The following C4orf33 variants were observed in gnomAD, a reference collection of about 807,000 sequenced individuals.
C4orf33 encodes the protein UPF0462 protein C4orf33.
Under a neutral mutation model 24.3 loss-of-function variants are expected in C4orf33, and 20 were observed. The observed-to-expected ratio is 0.82, with a 90% CI of 0.58 to 1.19. The LOEUF is 1.19. C4orf33 is among the 50% of genes most tolerant of loss of function. The probability of loss-of-function intolerance (pLI) is 0.00; values close to 1 mark genes in which losing one functional copy is unlikely to be tolerated. For synonymous variants in C4orf33, 67 were observed against 76.4 expected, an observed-to-expected ratio of 0.88 and a Z score of 0.64; for missense variants, 207 against 225.9, an observed-to-expected ratio of 0.92 and a Z score of 0.54.
chr4:129,110,067 T>G (rs927648759), intron 5 of C4orf33: 2 of 938,184 alleles, frequency 2.1e-6, no homozygotes, highest in Non-Finnish European at 2.6e-6. Context: ...TAATCTTCAG[T>G]TATCTCTCTA....
chr4:129,111,402 A>T (rs141748328), intron 5 of C4orf33, among the ~76,000 whole-genome samples: 18 of 152,342 alleles, frequency 1.2e-4, no homozygotes, highest in Admixed American at 3.9e-4. Flanking sequence ...TTAAAGCTGG[A>T]TGGAATGAGT....
At chr4:129,109,743 G>T in intron 5 of C4orf33, 71 bp downstream of exon 5, 1 of 1,259,976 alleles carries the variant, frequency 7.9e-7, no homozygotes, top group Non-Finnish European at 1.1e-6. Flanking sequence ...TAGTGGAGCA[G>T]AAGTAACACT....
In C4orf33 at chr4:129,115,801, A is replaced by AATATATATATAT. The variant is rs55749910; in HGVS notation, c.*4028_*4039dup. ...ATGTGCCTAACAAATCTTCTAACTA[A>AATATATATATAT]ATATATATATATATATATATATATA... On this transcript the variant is annotated 3_prime_UTR_variant, in exon 6 of 6. Coordinates refer to ENST00000425929, the MANE Select transcript of C4orf33 (RefSeq NM_001099783.2). The AATATATATATAT allele has an allele frequency of 1.4e-4, 13 of 90,246 alleles. No individual in the cohort carries two copies. Among genetic ancestry groups the AATATATATATAT allele is most frequent in the African/African-American group, 5.1e-4 (12 of 23,336 alleles). 5.6% of individuals were successfully genotyped at this position (90,246 alleles called of 1,614,324 possible). A position where few individuals can be genotyped will look rare whatever the true frequency, so the allele number is the denominator to read the frequency against.
intron 1 of C4orf33, among the ~76,000 whole-genome samples, chr4:129,097,056 G>A (rs546131278): frequency 5.3e-5 from 8 of 152,194 alleles, no homozygotes; most frequent in South Asian, 2.1e-4. Context: ...CTACAGGCGC[G>A]TGCCACCACG....
At chr4:129,109,839 T>G in intron 5 of C4orf33, 167 bp downstream of exon 5, 3 of 942,196 alleles carry the variant, frequency 3.2e-6, no homozygotes, top group Non-Finnish European at 4.6e-6. Context: ...CTTGGAAAAC[T>G]TTGGACTGTC....
chr4:129,115,822 A>AATATATATGTT lies in C4orf33; in HGVS notation c.*4031_*4032insATATATATGTT, dbSNP rs1554010304. The stretch of plus-strand genomic sequence containing the variant: ...ACTAAATATATATATATATATATAT[A>AATATATATGTT]TATATATAAAATATATATGTTTATA... On this transcript the variant is annotated 3_prime_UTR_variant, in exon 6 of 6. Transcript: ENST00000425929. 1 of 92,698 alleles carries AATATATATGTT rather than the reference A, an allele frequency of 1.1e-5. No homozygotes were observed. The highest frequency in any genetic ancestry group is 3.8e-5 in the African/African-American group (1 of 26,526). The allele number at this position is 92,698 out of a possible 1,614,324, so 5.7% of individuals were successfully genotyped here.
At chr4:129,104,259 C>T (rs1753448675) in intron 2 of C4orf33, among the ~76,000 whole-genome samples, 1 of 152,198 alleles carries the variant, frequency 6.6e-6, no homozygotes, top group Non-Finnish European at 1.5e-5. Flanking sequence ...AGTATCTCCT[C>T]TTTTATCCCC....
chr4:129,100,332 AT>A lies in C4orf33; in HGVS notation c.-9-2257del, dbSNP rs70938454. 3.8e-3 allele frequency among the ~76,000 whole-genome samples: 558 copies of A among 147,904 alleles called. 1 individual carries two copies. Among genetic ancestry groups the A allele is most frequent in the African/African-American group, 0.013 (509 of 40,192 alleles). ...CGTAAACATTATGGATTGTATTTTG[AT>A]TTTTTTTTTTTTGGCTCATCAGCTA... On this transcript the variant is annotated intron_variant, in intron 1 of 5. Coordinates refer to ENST00000425929, the MANE Select transcript of C4orf33 (RefSeq NM_001099783.2).
chr4:129,101,841 C>A (rs2125800261), intron 1 of C4orf33, among the ~76,000 whole-genome samples: 1 of 152,180 alleles, frequency 6.6e-6, no homozygotes, highest in South Asian at 2.1e-4. Flanking sequence ...GATTCTGTTC[C>A]CATTTTTCAG....
chr4:129,109,183 C>A, intron 3 of C4orf33, 124 bp from the exon 4 acceptor site: 1 of 1,040,266 alleles, frequency 9.6e-7, no homozygotes, highest in South Asian at 1.4e-5. Flanking sequence ...CCACCATGCT[C>A]AGCCTGCATC....
chr4:129,109,769 C>T (rs185150316), intron 5 of C4orf33, 97 bp downstream of exon 5: 216 of 1,067,410 alleles, frequency 2.0e-4, no homozygotes, highest in Non-Finnish European at 2.5e-4. Context: ...TCAAAGAAGA[C>T]GACATATGTG....
At position 129,115,814 on chromosome 4, in the gene C4orf33, A is replaced by ATG. The variant is rs1000671430; in HGVS notation, c.*4024_*4025insGT. ...ATCTTCTAACTAAATATATATATAT[A>ATG]TATATATATATATATAAAATATATA... On this transcript the variant is annotated 3_prime_UTR_variant, in exon 6 of 6. Coordinates refer to ENST00000425929, the MANE Select transcript of C4orf33 (RefSeq NM_001099783.2). 3.1e-5 allele frequency: 4 copies of ATG among 130,152 alleles called. No homozygotes were observed. The highest frequency in any genetic ancestry group is 6.6e-5 in the Non-Finnish European group (4 of 60,936). 8.1% of individuals were successfully genotyped at this position (130,152 alleles called of 1,614,324 possible). A position where few individuals can be genotyped will look rare whatever the true frequency, so the allele number is the denominator to read the frequency against.
rs1753731253 is a variant in C4orf33, at chr4:129,113,604, T to C, written c.*1813T>C. 1 of 152,118 alleles carries C rather than the reference T, an allele frequency of 6.6e-6. No homozygotes were observed. The highest frequency in any genetic ancestry group is 1.5e-5 in the Non-Finnish European group (1 of 68,026). 9.4% of individuals were successfully genotyped at this position (152,118 alleles called of 1,614,324 possible). ...TCACTGCAGTGTCAAGCAGATTCTC[T>C]CTTCTCACCACCTAAATAGATTACA... On this transcript the variant is annotated 3_prime_UTR_variant, in exon 6 of 6. Transcript: ENST00000425929.
chr4:129,099,308 C>G (rs1753286325), intron 1 of C4orf33, among the ~76,000 whole-genome samples: 2 of 152,118 alleles, frequency 1.3e-5, no homozygotes, highest in South Asian at 4.1e-4. Flanking sequence ...ATTATTTCCC[C>G]AGCACCTGGT....
At chr4:129,106,963 C>T (rs566160593) in intron 3 of C4orf33, among the ~76,000 whole-genome samples, 4 of 151,868 alleles carry the variant, frequency 2.6e-5, no homozygotes. Flanking sequence ...CAAAAACTCT[C>T]ATTATTTACG....
rs1409632521 is a variant in C4orf33, at chr4:129,112,002, A to G, written c.*211A>G. 4.7e-6 allele frequency: 2 copies of G among 426,924 alleles called. No homozygotes were observed. Among genetic ancestry groups the G allele is most frequent in the African/African-American group, 2.0e-5 (1 of 49,288 alleles). 26.4% of individuals were successfully genotyped at this position (426,924 alleles called of 1,614,324 possible). A position where few individuals can be genotyped will look rare whatever the true frequency, so the allele number is the denominator to read the frequency against. ...AGATGATTTCATCTGTAAAGTCACA[A>G]TGTTTCTCAGAGTCACTTAGTCCAG... On this transcript the variant is annotated 3_prime_UTR_variant, in exon 6 of 6. Coordinates refer to ENST00000425929, the MANE Select transcript of C4orf33 (RefSeq NM_001099783.2).
At chr4:129,095,295 G>T (rs1388284128), upstream of C4orf33, among the ~76,000 whole-genome samples, 1 of 152,046 alleles carries the variant, frequency 6.6e-6, no homozygotes, top group African/African-American at 2.4e-5. Flanking sequence ...TTCTCCCAAG[G>T]TAGGTGCCAC....
At chr4:129,109,817 C>T (rs1319959460) in intron 5 of C4orf33, 145 bp downstream of exon 5, 2 of 896,428 alleles carry the variant, frequency 2.2e-6, no homozygotes, top group Non-Finnish European at 1.6e-6. Context: ...CACTGATGGT[C>T]CTCAGAAAAT....
intron 1 of C4orf33, among the ~76,000 whole-genome samples, chr4:129,098,472 T>G (rs1753263269): frequency 6.6e-6 from 1 of 152,256 alleles, no homozygotes; most frequent in Admixed American, 6.5e-5. Context: ...AGCCTCCAGC[T>G]GCATCCATGT....
Sources: gnomAD v4.1 joint callset for allele counts (sites outside exome capture counted in the v4.1 genomes callset) on GRCh38, gnomAD v4.1.1 for gene constraint, MANE v1.5 for transcripts, NCBI Gene and HGNC (gene_info 2026-07-23, HGNC 2026-07-21) for gene names.